DST: variants seen among roughly 807,000 people sequenced by gnomAD.
The protein encoded by DST is bullous pemphigoid antigen.
In DST, 253 loss-of-function variants were observed where a neutral mutation model predicts 875.2. That is an observed-to-expected ratio of 0.29 (90% confidence interval 0.26 to 0.32). The LOEUF (loss-of-function observed/expected upper bound fraction) is 0.32. Ranked by LOEUF, DST falls within the 10% of genes least tolerant of loss-of-function variation. The pLI, the probability that DST is intolerant of heterozygous loss-of-function variation, is 1.00. For synonymous variants in DST, 3,124 were observed against 3,197.1 expected (o/e 0.98, Z 0.77); for missense variants, 8,287 against 9,111.6 (o/e 0.91, Z 3.68).
At chr6:56,730,151 T>C (rs1337840156) in intron 5 of DST, among the ~76,000 whole-genome samples, 1 of 152,200 alleles carries the variant, frequency 6.6e-6, no homozygotes, top group Non-Finnish European at 1.5e-5. Context: ...AATTGCCAAT[T>C]AGATGGATCC....
At chr6:56,633,081 A>G (rs1385798550) in intron 27 of DST, 44 bp from the exon 28 acceptor site, 1 of 1,541,068 alleles carries the variant, frequency 6.5e-7, no homozygotes, top group Non-Finnish European at 9.0e-7. Flanking sequence ...TATTACTCAT[A>G]GATTTGAATG....
At chr6:56,499,860 A>G (rs2096061939) in intron 80 of DST, among the ~76,000 whole-genome samples, 1 of 152,152 alleles carries the variant, frequency 6.6e-6, no homozygotes, top group South Asian at 2.1e-4. Context: ...GAGAATAAAC[A>G]TATTTTGTTG....
intron 4 of DST, among the ~76,000 whole-genome samples, chr6:56,805,007 A>C (rs1266877364): frequency 6.6e-6 from 1 of 151,942 alleles, no homozygotes; most frequent in African/African-American, 2.4e-5. Context: ...TTTATATTTA[A>C]TTTTAAACAT....
intron 4 of DST, among the ~76,000 whole-genome samples, chr6:56,775,503 G>A (rs1355252547): frequency 6.6e-6 from 1 of 152,114 alleles, no homozygotes; most frequent in African/African-American, 2.4e-5. Context: ...AAAGATAGAT[G>A]GCAAAACATT....
chr6:56,474,302 G>C (rs2095055744), intron 92 of DST: 2 of 210,016 alleles, frequency 9.5e-6, no homozygotes, highest in Non-Finnish European at 1.9e-5. Context: ...TGACCAATAT[G>C]GTGAAACCCC....
intron 9 of DST, among the ~76,000 whole-genome samples, chr6:56,695,393 C>T (rs988734386): frequency 5.4e-5 from 8 of 148,524 alleles, no homozygotes; most frequent in Admixed American, 5.3e-4. Context: ...TACAGCAACA[C>T]AAAATGAACT....
At chr6:56,654,411 G>A (rs1303205629) in intron 10 of DST, among the ~76,000 whole-genome samples, 4 of 152,004 alleles carry the variant, frequency 2.6e-5, no homozygotes, top group African/African-American at 9.7e-5. Context: ...GAAATTGGAA[G>A]TGAGACTAAA....
At chr6:56,762,998 G>A (rs1358524745) in intron 4 of DST, among the ~76,000 whole-genome samples, 1 of 151,860 alleles carries the variant, frequency 6.6e-6, no homozygotes, top group Non-Finnish European at 1.5e-5. Context: ...TTAAAGCCAT[G>A]TGCCACCACA....
chr6:56,506,151 A>G (rs1165979271), intron 77 of DST, among the ~76,000 whole-genome samples: 1 of 152,224 alleles, frequency 6.6e-6, no homozygotes, highest in Non-Finnish European at 1.5e-5. Flanking sequence ...ACTGTGTGAG[A>G]ACATTTACTT....
Position 56,618,290 on chromosome 6 carries a change from G to T in DST, c.4930-3806C>A, listed in dbSNP as rs748919020. The T allele has an allele frequency of 6.2e-7, 1 of 1,614,120 alleles. No individual in the cohort carries two copies. ...CTCTTCCAATGGCTGTGGTTCTTGA[G>T]TCCATCTCAACAGAGGGGATCTGGG... is the stretch of plus-strand genomic sequence containing the variant. On this transcript the variant is annotated intron_variant, in intron 36 of 103. Transcript: ENST00000680361.
In DST at chr6:56,497,470, T is replaced by C; in HGVS notation, c.20132A>G (p.Gln6711Arg). Residue 6711 changes from glutamine (Q) to arginine (R), a missense_variant, in exon 82 of 104, where the codon CAG becomes CGG. Gln to Arg is a conservative substitution (Grantham distance 43). Coordinates refer to ENST00000680361, the MANE Select transcript of DST (RefSeq NM_001374736.1). ...ATGACGCTCCGTGTCAGTCAGCCAC[T>C]GCTGCAAATCCTCAATTTCGCCATG... ...GFHGEIEDLQ[Q>R]WLTDTERHLL... is the part of the protein sequence containing the mutation. 3 of 1,613,144 alleles carry C rather than the reference T, an allele frequency of 1.9e-6. No homozygotes were observed. Among genetic ancestry groups the C allele is most frequent in the Non-Finnish European group, 2.5e-6 (3 of 1,179,426 alleles).
At position 56,529,477 on chromosome 6, in the gene DST, C is replaced by G. The variant is rs764022531; in HGVS notation, c.17566G>C (p.Gly5856Arg). The G allele has an allele frequency of 6.4e-7, 1 of 1,555,202 alleles. No homozygotes were observed. The highest frequency in any genetic ancestry group is 1.3e-5 in the South Asian group (1 of 76,452). The change falls in exon 66 of 104, where the codon GGG becomes CGG. Residue 5856 changes from glycine (G) to arginine (R), a missense_variant. By Grantham distance (125) the Gly-to-Arg change is moderately radical. Coordinates refer to ENST00000680361, the MANE Select transcript of DST (RefSeq NM_001374736.1). Reference protein sequence around the residue: ...KLSVQDYSTEGLWKQQSELRV... With the variant: ...KLSVQDYSTERLWKQQSELRV... ...AGTTCAGACTGCTGCTTCCATAGCC[C>G]CTCAGTGCTGTAATCCTGGACTGAG...
intron 4 of DST, among the ~76,000 whole-genome samples, chr6:56,762,712 T>C (rs891514280): frequency 2.6e-5 from 4 of 152,010 alleles, no homozygotes; most frequent in Admixed American, 6.5e-5. Flanking sequence ...TCTTTACCTC[T>C]ACACATATTT....
chr6:56,615,162 C>T, intron 36 of DST: 1 of 1,085,576 alleles, frequency 9.2e-7, no homozygotes, highest in Non-Finnish European at 1.1e-6. Flanking sequence ...TGCAATTTAT[C>T]ATTTAATAAA....
intron 3 of DST, among the ~76,000 whole-genome samples, chr6:56,863,653 C>T (rs1022587291): frequency 2.0e-5 from 3 of 152,112 alleles, no homozygotes; most frequent in Non-Finnish European, 2.9e-5. Flanking sequence ...CTTTCTCAAC[C>T]GGGGATTTCC....
At chr6:56,743,228 T>C (rs1053558879) in intron 4 of DST, among the ~76,000 whole-genome samples, 4 of 152,084 alleles carry the variant, frequency 2.6e-5, no homozygotes, top group Admixed American at 1.3e-4. Context: ...GTTAGACCAA[T>C]AGACCTTCCT....
chr6:56,476,633 CT>C (rs1292442381), intron 91 of DST, among the ~76,000 whole-genome samples: 1 of 152,184 alleles, frequency 6.6e-6, no homozygotes, highest in African/African-American at 2.4e-5. Context: ...GGTAAGCTTA[CT>C]CCATGTGGCA....
chr6:56,514,838 G>T (rs528586019), intron 72 of DST, among the ~76,000 whole-genome samples: 1 of 152,262 alleles, frequency 6.6e-6, no homozygotes, highest in East Asian at 1.9e-4. Context: ...TTTCATACAT[G>T]TTTAAAATGT....
chr6:56,608,214 T>A lies in DST; in HGVS notation c.6414A>T (p.Leu2138Phe). The change falls in exon 40 of 104, where the codon TTA becomes TTT. Residue 2138 changes from leucine to phenylalanine, a missense_variant. Leu to Phe is a conservative substitution (Grantham distance 22). Coordinates refer to ENST00000680361, the MANE Select transcript of DST (RefSeq NM_001374736.1). ...GIIDNNTASI[L>F]KNITLPDKMP... ...TTTTATCAGGCAGTGTTATATTTTT[T>A]AAAATTGATGCTGTGTTGTTGTCTA... The A allele has an allele frequency of 1.2e-6, 2 of 1,613,670 alleles. No homozygotes were observed. The highest frequency in any genetic ancestry group is 8.5e-7 in the Non-Finnish European group (1 of 1,179,752).
Sources: gnomAD v4.1 joint callset for allele counts (sites outside exome capture counted in the v4.1 genomes callset) on GRCh38, gnomAD v4.1.1 for gene constraint, MANE v1.5 for transcripts, NCBI Gene and HGNC (gene_info 2026-07-23, HGNC 2026-07-21) for gene names.